CYRIA: variants seen among roughly 807,000 people sequenced by gnomAD.
The protein encoded by CYRIA is CYFIP related Rac1 interactor A.
A neutral mutation model predicts 43.9 loss-of-function variants in CYRIA; 15 were observed. That is an observed-to-expected ratio of 0.34 (90% confidence interval 0.23 to 0.53). CYRIA has a LOEUF of 0.53. CYRIA is among the 20% of genes least tolerant of loss of function. The pLI is 0.94. For synonymous variants in CYRIA, 117 were observed against 136.0 expected (o/e 0.86, Z 0.97); for missense variants, 236 against 394.2 (o/e 0.60, Z 3.40).
In CYRIA at chr2:16,549,990, T is replaced by G. The variant is rs1477826087; in HGVS notation, c.*2946A>C. 1.3e-4 allele frequency: 20 copies of G among 151,032 alleles called. No individual in the cohort carries two copies. Among genetic ancestry groups the G allele is most frequent in the African/African-American group, 3.6e-4 (15 of 41,178 alleles). The allele number at this position is 151,032 out of a possible 1,614,324, so 9.4% of individuals were successfully genotyped here. A position where few individuals can be genotyped will look rare whatever the true frequency, so the allele number is the denominator to read the frequency against. On this transcript the variant is annotated 3_prime_UTR_variant, in exon 12 of 12. Transcript: ENST00000381323. ...GTGAAGACATCCATTTCCAGTTGTT[T>G]TTTTTTTTTGTTATTGTTTTTTTTT...
Position 16,565,664 on chromosome 2 carries a change from T to G in CYRIA, c.174A>C (p.Ala58=). 10 of 1,581,898 alleles carry G rather than the reference T, an allele frequency of 6.3e-6. No individual in the cohort carries two copies. The highest frequency in any genetic ancestry group is 8.7e-6 in the Non-Finnish European group (10 of 1,155,676). Residue 58 remains alanine (A), a synonymous_variant, in exon 4 of 12, where the codon GCA becomes GCC. Transcript: ENST00000381323. The part of the protein sequence containing the change: ...ILADLQAYKG[A]GPEIRDAIQN... Reference sequence around the variant, plus strand: ...GACATACATCTCGGATCTCTGGGCCTGCGCCTTTGTAAGCCTGCAGGTCTG... The same window carrying G: ...GACATACATCTCGGATCTCTGGGCCGGCGCCTTTGTAAGCCTGCAGGTCTG...
intron 3 of CYRIA, among the ~76,000 whole-genome samples, chr2:16,572,776 A>G (rs182639587): frequency 3.3e-5 from 5 of 152,166 alleles, no homozygotes; most frequent in Non-Finnish European, 7.4e-5. Context: ...ATGTTAATTA[A>G]TGTGAGTTTG....
chr2:16,592,988 T>C (rs775810335), intron 2 of CYRIA, among the ~76,000 whole-genome samples: 11 of 152,144 alleles, frequency 7.2e-5, no homozygotes, highest in Non-Finnish European at 1.6e-4. Flanking sequence ...GAGCAAATCA[T>C]TGTAGCTGTG....
chr2:16,615,886 G>A (rs191354355), intron 2 of CYRIA, among the ~76,000 whole-genome samples: 82 of 152,344 alleles, frequency 5.4e-4, no homozygotes, highest in African/African-American at 1.9e-3. Context: ...ACTGGGAGGT[G>A]CAGACAGGAC....
Position 16,602,048 on chromosome 2 carries a change from T to C in CYRIA, c.-10-13919A>G, listed in dbSNP as rs186251103. Among the ~76,000 whole-genome samples, 453 of 152,338 alleles carry C rather than the reference T, an allele frequency of 3.0e-3. 3 individuals carry two copies. The highest frequency in any genetic ancestry group is 0.011 in the African/African-American group (439 of 41,578). On this transcript the variant is annotated intron_variant, in intron 2 of 11. Coordinates refer to ENST00000381323, the MANE Select transcript of CYRIA (RefSeq NM_030797.4). ...GGAGATTTCTTTCTTTGGTTATGACTATTTGAAAGGAGAATTCCTAAGCCA... is the reference window on the plus strand; with the variant it reads ...GGAGATTTCTTTCTTTGGTTATGACCATTTGAAAGGAGAATTCCTAAGCCA...
intron 3 of CYRIA, among the ~76,000 whole-genome samples, chr2:16,574,045 C>T (rs1667236321): frequency 6.6e-6 from 1 of 152,174 alleles, no homozygotes; most frequent in Non-Finnish European, 1.5e-5. Flanking sequence ...TCCCTAGAGA[C>T]TTGCTGAATA....
intron 3 of CYRIA, among the ~76,000 whole-genome samples, chr2:16,578,051 G>T (rs1041933288): frequency 6.6e-6 from 1 of 152,182 alleles, no homozygotes; most frequent in Non-Finnish European, 1.5e-5. Flanking sequence ...GTTGAGAAAC[G>T]CCATCCTGAG....
chr2:16,561,659 A>G (rs1666738500), intron 6 of CYRIA, 126 bp from the exon 7 acceptor site: 1 of 732,620 alleles, frequency 1.4e-6, no homozygotes, highest in Non-Finnish European at 2.3e-6. Flanking sequence ...TAAGAGTCAA[A>G]GCAACTTCTG....
intron 1 of CYRIA, among the ~76,000 whole-genome samples, chr2:16,636,119 T>C (rs1384499814): frequency 6.6e-6 from 1 of 151,804 alleles, no homozygotes; most frequent in Admixed American, 6.6e-5. Flanking sequence ...AAGTAGGGGG[T>C]GAGGTGTAAC....
At chr2:16,587,254 A>G (rs1056725994) in intron 3 of CYRIA, among the ~76,000 whole-genome samples, 2 of 152,160 alleles carry the variant, frequency 1.3e-5, no homozygotes, top group Non-Finnish European at 2.9e-5. Flanking sequence ...TTTGTTTTAT[A>G]TGAATCTTTG....
intron 10 of CYRIA, among the ~76,000 whole-genome samples, chr2:16,556,740 C>T (rs1666539170): frequency 6.6e-6 from 1 of 151,962 alleles, no homozygotes; most frequent in Non-Finnish European, 1.5e-5. Flanking sequence ...GCAGTGAGAG[C>T]CCCTGAGGGT....
At chr2:16,605,319 G>T (rs898712171) in intron 2 of CYRIA, among the ~76,000 whole-genome samples, 1 of 152,186 alleles carries the variant, frequency 6.6e-6, no homozygotes, top group Non-Finnish European at 1.5e-5. Flanking sequence ...CTTTTTTAGG[G>T]AATGAAAGTC....
At chr2:16,575,841 G>C (rs1667322246) in intron 3 of CYRIA, among the ~76,000 whole-genome samples, 1 of 151,744 alleles carries the variant, frequency 6.6e-6, no homozygotes, top group East Asian at 1.9e-4. Context: ...GGGCCACAGA[G>C]CGAGACTCCA....
At chr2:16,593,700 T>G (rs868444065) in intron 2 of CYRIA, among the ~76,000 whole-genome samples, 21,968 of 93,948 alleles carry the variant, frequency 0.23, 2,567 homozygotes, top group Admixed American at 0.34. Context: ...GTGTGTGTGT[T>G]TTTTTTTGTG....
intron 1 of CYRIA, among the ~76,000 whole-genome samples, chr2:16,649,215 T>C (rs1257005113): frequency 6.6e-6 from 1 of 152,250 alleles, no homozygotes; most frequent in Admixed American, 6.5e-5. Flanking sequence ...ATACATAGGT[T>C]ATATGCAAAT....
chr2:16,575,651 T>C (rs574855718), intron 3 of CYRIA, among the ~76,000 whole-genome samples: 5 of 151,932 alleles, frequency 3.3e-5, no homozygotes, highest in South Asian at 4.2e-4. Flanking sequence ...GTCAGGAGAT[T>C]GAGACCATCC....
chr2:16,617,573 C>A, intron 2 of CYRIA, among the ~76,000 whole-genome samples: 1 of 152,234 alleles, frequency 6.6e-6, no homozygotes, highest in East Asian at 1.9e-4. Flanking sequence ...TGGTAGCTGC[C>A]TCATTAAGGC....
intron 2 of CYRIA, among the ~76,000 whole-genome samples, chr2:16,611,802 A>G (rs1182808520): frequency 6.6e-6 from 1 of 152,108 alleles, no homozygotes; most frequent in Non-Finnish European, 1.5e-5. Context: ...GAGGTTGGAC[A>G]TGAGGGGTCT....
At chr2:16,662,733 G>A (rs1030007836) in intron 1 of CYRIA, among the ~76,000 whole-genome samples, 2 of 152,188 alleles carry the variant, frequency 1.3e-5, no homozygotes, top group Non-Finnish European at 2.9e-5. Flanking sequence ...TGCTCCTCAA[G>A]TGGACAGTGG....
Sources: gnomAD v4.1 joint callset for allele counts (sites outside exome capture counted in the v4.1 genomes callset) on GRCh38, gnomAD v4.1.1 for gene constraint, MANE v1.5 for transcripts, NCBI Gene and HGNC (gene_info 2026-07-23, HGNC 2026-07-21) for gene names.